The following NKAIN3 variants were observed in gnomAD, a reference collection of about 807,000 sequenced individuals.
NKAIN3 encodes the protein sodium/potassium-transporting ATPase subunit beta-1-interacting protein 3.
A neutral mutation model predicts 30.2 loss-of-function variants in NKAIN3; 25 were observed. The ratio of observed to expected loss-of-function variants is 0.83; its 90% CI spans 0.60 to 1.16. The LOEUF is 1.16. Among genes scored for constraint, NKAIN3 ranks in the 50% most tolerant of loss-of-function variants. NKAIN3 has a pLI of 0.00. For synonymous variants in NKAIN3, 91 were observed against 89.6 expected, an observed-to-expected ratio of 1.02 and a Z score of -0.09; for missense variants, 225 against 254.1, an observed-to-expected ratio of 0.89 and a Z score of 0.78.
chr8:62,920,075 A>G lies in NKAIN3; in HGVS notation c.532+1562A>G, dbSNP rs575489858. Among the ~76,000 whole-genome samples, 23 of 152,330 alleles carry G rather than the reference A, an allele frequency of 1.5e-4. No homozygotes were observed. In the South Asian group the frequency reaches 4.1e-3, roughly 27 times the overall value. ...AGTTAATATACAGAAGGTTAGCAGC[A>G]TGCTTCCAACCCAGAGCTAAGACAG... On this transcript the variant is annotated intron_variant, in intron 5 of 6. Coordinates refer to ENST00000623646, the MANE Select transcript of NKAIN3 (RefSeq NM_001304533.3).
intron 1 of NKAIN3, among the ~76,000 whole-genome samples, chr8:62,380,304 C>T (rs957240370): frequency 6.6e-6 from 1 of 152,122 alleles, no homozygotes; most frequent in Non-Finnish European, 1.5e-5. Flanking sequence ...CTCAGACAAC[C>T]ACTTGGACCT....
At chr8:62,341,878 T>C (rs890786294) in intron 1 of NKAIN3, among the ~76,000 whole-genome samples, 7 of 152,088 alleles carry the variant, frequency 4.6e-5, no homozygotes, top group African/African-American at 1.4e-4. Flanking sequence ...TCTCCCTTTT[T>C]ACTCTATGCT....
chr8:62,755,251 G>A (rs1816412948), intron 4 of NKAIN3, among the ~76,000 whole-genome samples: 2 of 152,292 alleles, frequency 1.3e-5, no homozygotes, highest in Middle Eastern at 3.4e-3. Flanking sequence ...GGTCATGTGA[G>A]AAAAGAGGAC....
At chr8:62,311,818 G>A (rs1396389577) in intron 1 of NKAIN3, among the ~76,000 whole-genome samples, 1 of 150,268 alleles carries the variant, frequency 6.7e-6, no homozygotes, top group Non-Finnish European at 1.5e-5. Flanking sequence ...GTTGAAGTGA[G>A]CTCCCTTTCC....
At chr8:62,769,908 T>C (rs1049733721) in intron 4 of NKAIN3, among the ~76,000 whole-genome samples, 1 of 152,196 alleles carries the variant, frequency 6.6e-6, no homozygotes, top group African/African-American at 2.4e-5. Flanking sequence ...CCAATTAACT[T>C]TCTCTATTGG....
Position 62,765,179 on chromosome 8 carries a change from G to A in NKAIN3, c.471+18050G>A, listed in dbSNP as rs187464393. ...GTAGAATCGTGTGAACCCGGGAGGC[G>A]GAGGTTGCAGTGAGCTGAGATCATG... On this transcript the variant is annotated intron_variant, in intron 4 of 6. Transcript: ENST00000623646. Among the ~76,000 whole-genome samples, 409 of 149,346 alleles carry A rather than the reference G, an allele frequency of 2.7e-3. 3 individuals carry two copies. The highest frequency in any genetic ancestry group is 9.7e-3 in the African/African-American group (394 of 40,488).
chr8:62,452,437 C>T (rs1805669202), intron 1 of NKAIN3, among the ~76,000 whole-genome samples: 1 of 152,100 alleles, frequency 6.6e-6, no homozygotes. Flanking sequence ...GATTGTGCCA[C>T]TGCACTCCGG....
In NKAIN3 at chr8:62,551,029, T is replaced by C. The variant is rs1050189830; in HGVS notation, c.55-28510T>C. On this transcript the variant is annotated intron_variant, in intron 1 of 6. Transcript: ENST00000623646. The stretch of plus-strand genomic sequence containing the variant: ...GTCTCCTTAACATGACGGCTTTGCA[T>C]GGGTCCTGGCATCACACTTAGGCCT... Among the ~76,000 whole-genome samples, 18 of 152,200 alleles carry C rather than the reference T, an allele frequency of 1.2e-4. 1 individual carries two copies. Among genetic ancestry groups the C allele is most frequent in the African/African-American group, 4.3e-4 (18 of 41,454 alleles).
intron 4 of NKAIN3, among the ~76,000 whole-genome samples, chr8:62,900,308 C>G (rs553638564): frequency 6.6e-6 from 1 of 152,268 alleles, no homozygotes; most frequent in Non-Finnish European, 1.5e-5. Context: ...ATATAGTGAG[C>G]AACGTGTGGA....
intron 1 of NKAIN3, among the ~76,000 whole-genome samples, chr8:62,553,188 T>G (rs1001245690): frequency 6.6e-6 from 1 of 152,188 alleles, no homozygotes; most frequent in Non-Finnish European, 1.5e-5. Context: ...CCACTTGGCT[T>G]GCCAAACCAT....
At chr8:62,370,744 A>C (rs1376038316) in intron 1 of NKAIN3, among the ~76,000 whole-genome samples, 1 of 152,018 alleles carries the variant, frequency 6.6e-6, no homozygotes, top group African/African-American at 2.4e-5. Flanking sequence ...AAATTGTAAA[A>C]CATTCTGTAC....
chr8:62,493,882 G>T (rs1004209107), intron 1 of NKAIN3, among the ~76,000 whole-genome samples: 2 of 152,096 alleles, frequency 1.3e-5, no homozygotes, highest in Non-Finnish European at 2.9e-5. Flanking sequence ...TTTGTATCCT[G>T]ACACTTTGCT....
In NKAIN3 at chr8:62,720,333, T is replaced by G. The variant is rs190425180; in HGVS notation, c.274-26599T>G. On this transcript the variant is annotated intron_variant, in intron 3 of 6. Transcript: ENST00000623646. ...AAACATATTCATTTCTAAATGTTAA[T>G]AAATAAATATGCATTGTGTGTGGTA... Among the ~76,000 whole-genome samples, 3 of 152,316 alleles carry G rather than the reference T, an allele frequency of 2.0e-5. No homozygotes were observed. In the East Asian group the frequency reaches 5.8e-4, roughly 29 times the overall value.
rs191990403 is a variant in NKAIN3 at position 62,866,555 on chromosome 8, T to C, written c.472-51898T>C. On this transcript the variant is annotated intron_variant, in intron 4 of 6. Transcript: ENST00000623646. ...CAATACAATTTTAGAATGTAACATA[T>C]AGAGGTATATTTAGCCTGTTTTAGA... Among the ~76,000 whole-genome samples, 4 of 152,314 alleles carry C rather than the reference T, an allele frequency of 2.6e-5. No individual in the cohort carries two copies. The East Asian group carries it at 7.7e-4, about 29-fold the overall frequency.
chr8:62,901,572 G>A (rs981009559), intron 4 of NKAIN3, among the ~76,000 whole-genome samples: 5 of 152,258 alleles, frequency 3.3e-5, no homozygotes, highest in Non-Finnish European at 5.9e-5. Context: ...GCAAGGCAGT[G>A]GAATTAGGTG....
In NKAIN3 at chr8:62,806,948, C is replaced by T. The variant is rs150936553; in HGVS notation, c.471+59819C>T. ...CCTCTGCAGGGCACAGAGGATAGTG[C>T]GTGATGAAACGTAGTGATGAACAAC... On this transcript the variant is annotated intron_variant, in intron 4 of 6. Transcript: ENST00000623646. Among the ~76,000 whole-genome samples the T allele has an allele frequency of 2.9e-3, 441 of 152,044 alleles. 2 individuals are homozygous for T. Among genetic ancestry groups the T allele is most frequent in the African/African-American group, 9.7e-3 (402 of 41,498 alleles).
chr8:62,616,260 C>T (rs916664183), intron 3 of NKAIN3, among the ~76,000 whole-genome samples: 2 of 152,030 alleles, frequency 1.3e-5, no homozygotes, highest in African/African-American at 2.4e-5. Context: ...GGCTCAGTTC[C>T]ACAAGACTAC....
intron 2 of NKAIN3, among the ~76,000 whole-genome samples, chr8:62,588,607 T>A (rs1810554243): frequency 6.6e-6 from 1 of 151,822 alleles, no homozygotes; most frequent in African/African-American, 2.4e-5. Context: ...ATACCTATAT[T>A]ACACAGAGTC....
intron 5 of NKAIN3, among the ~76,000 whole-genome samples, chr8:62,953,183 T>C (rs972418767): frequency 3.3e-5 from 5 of 152,144 alleles, no homozygotes; most frequent in Non-Finnish European, 5.9e-5. Context: ...CCTACATGCC[T>C]GTATGCCTGT....
Sources: gnomAD v4.1 joint callset for allele counts (sites outside exome capture counted in the v4.1 genomes callset) on GRCh38, gnomAD v4.1.1 for gene constraint, MANE v1.5 for transcripts, NCBI Gene and HGNC (gene_info 2026-07-23, HGNC 2026-07-21) for gene names.